The following CDH23 variants were observed in gnomAD, a reference collection of about 807,000 sequenced individuals.
CDH23 encodes the protein cadherin-23.
A neutral mutation model predicts 317.1 loss-of-function variants in CDH23; 189 were observed. That is an observed-to-expected ratio of 0.60 (90% CI 0.53 to 0.67). CDH23 has a LOEUF of 0.67. CDH23 is among the 30% of genes least tolerant of loss of function. CDH23 has a pLI of 0.00. For synonymous variants in CDH23, 1,839 were observed against 1,876.8 expected, an observed-to-expected ratio of 0.98 and a Z score of 0.52; for missense variants, 4,401 against 4,592.4, an observed-to-expected ratio of 0.96 and a Z score of 1.20.
intron 14 of CDH23, among the ~76,000 whole-genome samples, chr10:71,653,151 C>T (rs969422766): frequency 8.5e-5 from 13 of 152,190 alleles, no homozygotes; most frequent in Non-Finnish European, 1.5e-5. Context: ...GCCCAGCCTC[C>T]CTCTCCTGCC....
At position 71,397,391 on chromosome 10, in the gene CDH23, G is replaced by T. The variant is rs1847569697; in HGVS notation, c.-6+73G>T. The T allele has an allele frequency of 6.6e-6, 1 of 152,230 alleles. No individual in the cohort carries two copies. Among genetic ancestry groups the T allele is most frequent in the South Asian group, 2.1e-4 (1 of 4,866 alleles). 9.4% of individuals were successfully genotyped at this position (152,230 alleles called of 1,614,324 possible). ...TCCCCTCGCCGTTCGCCCGCCGCGC[G>T]GCGGGGAAGTTGGTGGTGACCGCGG... On this transcript the variant is annotated intron_variant, in intron 1 of 69. Coordinates refer to ENST00000224721, the MANE Select transcript of CDH23 (RefSeq NM_022124.6). The surrounding 1 kb of genome is among the most constrained non-coding windows in gnomAD (Gnocchi z 4.8).
chr10:71,503,048 C>T (rs904437546), intron 3 of CDH23, among the ~76,000 whole-genome samples: 7 of 152,174 alleles, frequency 4.6e-5, no homozygotes, highest in East Asian at 3.9e-4. Flanking sequence ...GTCATCTCAG[C>T]GATCAGCATG....
intron 22 of CDH23, among the ~76,000 whole-genome samples, chr10:71,700,857 C>G (rs1047799740): frequency 1.3e-5 from 2 of 152,218 alleles, no homozygotes; most frequent in African/African-American, 2.4e-5. Flanking sequence ...CTGTTCTGGT[C>G]TGGTGGCCCC....
rs397517360 is a variant in CDH23, at chr10:71,809,816, G to A, written c.8723-4G>A. The A allele has an allele frequency of 4.3e-6, 7 of 1,609,558 alleles. No homozygotes were observed. Among genetic ancestry groups the A allele is most frequent in the Non-Finnish European group, 5.1e-6 (6 of 1,177,308 alleles). Reference sequence around the variant, plus strand: ...GCCGTACCCCGCCTTTGGGCTTCCTGCAGGGAGCATGGACGGCATTCTGCG... The same window carrying A: ...GCCGTACCCCGCCTTTGGGCTTCCTACAGGGAGCATGGACGGCATTCTGCG... On this transcript the variant is annotated splice_polypyrimidine_tract_variant and splice_region_variant and intron_variant, in intron 60 of 69. Transcript: ENST00000224721.
intron 1 of CDH23, among the ~76,000 whole-genome samples, chr10:71,425,127 G>T (rs1848996089): frequency 6.6e-6 from 1 of 151,656 alleles, no homozygotes; most frequent in African/African-American, 2.4e-5. Flanking sequence ...CAGAAGGGGT[G>T]TCTGTGAAGA....
At chr10:71,792,357 A>C (rs1362278120) in intron 47 of CDH23, among the ~76,000 whole-genome samples, 8 of 152,186 alleles carry the variant, frequency 5.3e-5, no homozygotes, top group Admixed American at 5.2e-4. Flanking sequence ...GAAAACACTA[A>C]ACAATAAATG....
Position 71,808,003 on chromosome 10 carries a change from C to T in CDH23, c.8718C>T (p.Thr2906=). The change falls in exon 60 of 70, where the codon ACC becomes ACT. Residue 2906 remains threonine, a synonymous_variant. Coordinates refer to ENST00000224721, the MANE Select transcript of CDH23 (RefSeq NM_022124.6). ...NDSEDVGQVF[T]MGSMDGILRT... ...CTGAAGATGTGGGCCAGGTCTTCAC[C>T]ATGGGTAGGGCCTGGCAGCACATGA... The T allele has an allele frequency of 1.3e-6, 2 of 1,583,738 alleles. No individual in the cohort carries two copies. Among genetic ancestry groups the T allele is most frequent in the South Asian group, 2.3e-5 (2 of 86,734 alleles).
chr10:71,704,862 C>A, intron 24 of CDH23, 49 bp from the exon 25 acceptor site: 1 of 1,400,492 alleles, frequency 7.1e-7, no homozygotes, highest in Non-Finnish European at 1.0e-6. Flanking sequence ...GAGAAGCATC[C>A]ATCCCAGTGT....
At chr10:71,695,978 C>T (rs956873966) in intron 22 of CDH23, among the ~76,000 whole-genome samples, 1 of 152,250 alleles carries the variant, frequency 6.6e-6, no homozygotes, top group Non-Finnish European at 1.5e-5. Context: ...GCCCCCACGG[C>T]TGCCCAGCAG....
chr10:71,728,932 G>A (rs1234659439), intron 30 of CDH23, among the ~76,000 whole-genome samples: 1 of 152,174 alleles, frequency 6.6e-6, no homozygotes, highest in East Asian at 1.9e-4. Flanking sequence ...CTGGGCTCAA[G>A]CGATCCTCTT....
At chr10:71,693,615 A>G (rs766432891) in intron 20 of CDH23, among the ~76,000 whole-genome samples, 7 of 152,200 alleles carry the variant, frequency 4.6e-5, no homozygotes, top group Non-Finnish European at 7.4e-5. Context: ...GTGACTGTAT[A>G]AATAAACAGT....
At position 71,753,318 on chromosome 10, in the gene CDH23, C is replaced by T. The variant is rs931045306; in HGVS notation, c.4845+11397C>T. Among the ~76,000 whole-genome samples, 6 of 152,276 alleles carry T rather than the reference C, an allele frequency of 3.9e-5. No homozygotes were observed. In the East Asian group the frequency reaches 1.2e-3, roughly 29 times the overall value. On this transcript the variant is annotated intron_variant, in intron 38 of 69. Coordinates refer to ENST00000224721, the MANE Select transcript of CDH23 (RefSeq NM_022124.6). ...GCCAGCGCTTTCTCCTATGGCTTGACTTACACAGTGTCAGACCTTCAGGAT... is the reference window on the plus strand; with the variant it reads ...GCCAGCGCTTTCTCCTATGGCTTGATTTACACAGTGTCAGACCTTCAGGAT...
chr10:71,568,160 G>T lies in CDH23; in HGVS notation c.624+1224G>T, dbSNP rs372597712. On this transcript the variant is annotated intron_variant, in intron 7 of 69. Coordinates refer to ENST00000224721, the MANE Select transcript of CDH23 (RefSeq NM_022124.6). Reference sequence around the variant, plus strand: ...AGTGGCTGTGGGGAGGTCACTGCAGGTGACACTCACGTTCTTTCCTTCTCC... The same window carrying T: ...AGTGGCTGTGGGGAGGTCACTGCAGTTGACACTCACGTTCTTTCCTTCTCC... 4.6e-5 allele frequency among the ~76,000 whole-genome samples: 7 copies of T among 152,366 alleles called. No homozygotes were observed. In the South Asian group the frequency reaches 1.4e-3, roughly 32 times the overall value.
intron 20 of CDH23, 110 bp from the exon 21 acceptor site, chr10:71,694,037 T>C: frequency 1.2e-6 from 1 of 864,340 alleles, no homozygotes; most frequent in Non-Finnish European, 1.9e-6. Flanking sequence ...TTGCTAACAT[T>C]TCTCGTGCAA....
At chr10:71,573,951 C>G (rs1232313347) in intron 8 of CDH23, among the ~76,000 whole-genome samples, 1 of 152,342 alleles carries the variant, frequency 6.6e-6, no homozygotes, top group East Asian at 1.9e-4. Context: ...CTTGCACTGC[C>G]AGCCTGATCC....
chr10:71,729,574 G>T (rs1297919455), intron 30 of CDH23, among the ~76,000 whole-genome samples: 1 of 152,226 alleles, frequency 6.6e-6, no homozygotes, highest in Non-Finnish European at 1.5e-5. Flanking sequence ...CCCGGGTGTG[G>T]GTGCAGTGGG....
intron 9 of CDH23, among the ~76,000 whole-genome samples, chr10:71,588,988 C>T (rs1216549093): frequency 1.3e-5 from 2 of 152,202 alleles, no homozygotes; most frequent in African/African-American, 2.4e-5. Context: ...CTGTGCACTG[C>T]GTGCCCCTCC....
chr10:71,647,004 C>G lies in CDH23; in HGVS notation c.1449+387C>G, dbSNP rs564560006. 334 of 985,294 alleles carry G rather than the reference C, an allele frequency of 3.4e-4. No individual in the cohort carries two copies. The South Asian group carries it at 3.5e-3, about 10-fold the overall frequency. 61.0% of individuals were successfully genotyped at this position (985,294 alleles called of 1,614,324 possible). ...AGCACAGGCACCAGAGAGGGGCAGG[C>G]GCCTGGAGGGTACCGGGGCACCCCC... On this transcript the variant is annotated intron_variant, in intron 14 of 69. Coordinates refer to ENST00000224721, the MANE Select transcript of CDH23 (RefSeq NM_022124.6).
intron 45 of CDH23, 22 bp from the exon 46 acceptor site, chr10:71,790,266 G>A: frequency 6.2e-7 from 1 of 1,612,996 alleles, no homozygotes; most frequent in Non-Finnish European, 8.5e-7. Flanking sequence ...GTCTTGTGGT[G>A]ACCCCTCTCC....
Sources: allele counts gnomAD v4.1 joint callset (sites outside exome capture counted in the v4.1 genomes callset), GRCh38; gene constraint gnomAD v4.1.1; non-coding constraint Gnocchi (gnomAD v3.1); transcripts MANE v1.5; gene names NCBI Gene and HGNC (gene_info 2026-07-23, HGNC 2026-07-21).